SCUBE1: variants seen among roughly 807,000 people sequenced by gnomAD.
SCUBE1 encodes the protein signal peptide, CUB domain and EGF like domain containing 1, also known as signal peptide, CUB and EGF-like domain-containing protein 1.
SCUBE1 carries 59 observed loss-of-function variants against 124.4 expected under a neutral mutation model. That is an observed-to-expected ratio of 0.47 (90% confidence interval 0.38 to 0.59). The LOEUF (loss-of-function observed/expected upper bound fraction) is 0.59, where lower values mean the gene tolerates loss of function less well. Among genes scored for constraint, SCUBE1 ranks in the 20% least tolerant of loss-of-function variants. The pLI is 0.00. For missense variants in SCUBE1, 1,150 were observed against 1,371.2 expected, an observed-to-expected ratio of 0.84 and a Z score of 2.55; for synonymous variants, 545 against 550.9, an observed-to-expected ratio of 0.99 and a Z score of 0.15.
At chr22:43,238,763 C>T (rs531769863) in intron 7 of SCUBE1, 75 bp downstream of exon 7, 43 of 1,224,114 alleles carry the variant, frequency 3.5e-5, no homozygotes, top group South Asian at 2.6e-4. Context: ...GCCCTGGGCC[C>T]GGCTATGCAA....
chr22:43,287,262 G>A (rs1925183232), intron 4 of SCUBE1, among the ~76,000 whole-genome samples: 1 of 152,256 alleles, frequency 6.6e-6, no homozygotes, highest in African/African-American at 2.4e-5. Flanking sequence ...CCCAAATCAA[G>A]CCTGTGTTCT....
In SCUBE1 at chr22:43,204,078, C is replaced by T; in HGVS notation, c.2886G>A (p.Gln962=). The change falls in exon 22 of 22, where the codon CAG becomes CAA. Residue 962 remains glutamine, a synonymous_variant. Coordinates refer to ENST00000360835, the MANE Select transcript of SCUBE1 (RefSeq NM_173050.5). ...HPQNYFKYTA[Q]ESKEMFPRSF... is the part of the protein sequence containing the mutation. ...ACCGTGGGAACATCTCCTTGGATTCCTGGGCTGTGTACTTGAAGTAGTTCT... is the reference window on the plus strand; with the variant it reads ...ACCGTGGGAACATCTCCTTGGATTCTTGGGCTGTGTACTTGAAGTAGTTCT... 1 of 1,614,102 alleles carries T rather than the reference C, an allele frequency of 6.2e-7. No homozygotes were observed. The highest frequency in any genetic ancestry group is 8.5e-7 in the Non-Finnish European group (1 of 1,180,006).
chr22:43,312,059 G>C (rs182896397), intron 3 of SCUBE1, among the ~76,000 whole-genome samples: 1 of 152,188 alleles, frequency 6.6e-6, no homozygotes, highest in Non-Finnish European at 1.5e-5. Context: ...GAGGGAGCAG[G>C]CATTGCCCGT....
At chr22:43,214,345 C>A in intron 15 of SCUBE1, 94 bp from the exon 16 acceptor site, 1 of 1,312,182 alleles carries the variant, frequency 7.6e-7, no homozygotes, top group South Asian at 1.4e-5. Context: ...CTGATAGACA[C>A]AGTCCTTGTC....
chr22:43,311,568 C>T lies in SCUBE1; in HGVS notation c.349+8369G>A, dbSNP rs2146775100. Among the ~76,000 whole-genome samples, 3 of 151,782 alleles carry T rather than the reference C, an allele frequency of 2.0e-5. No homozygotes were observed. In the Middle Eastern group the frequency reaches 0.01, roughly 516 times the overall value. On this transcript the variant is annotated intron_variant, in intron 3 of 21. Transcript: ENST00000360835. Reference sequence around the variant, plus strand: ...CCCAAGTGGTTGGGACTAGAGGCGCCTGCCACCAAATCTGGCTATTTTTTT... The same window carrying T: ...CCCAAGTGGTTGGGACTAGAGGCGCTTGCCACCAAATCTGGCTATTTTTTT...
Position 43,220,531 on chromosome 22 carries a change from G to C in SCUBE1, c.1606C>G (p.Arg536Gly). The C allele has an allele frequency of 6.2e-7, 1 of 1,614,118 alleles. No individual in the cohort carries two copies. The highest frequency in any genetic ancestry group is 8.5e-7 in the Non-Finnish European group (1 of 1,180,010). Reference sequence around the variant, plus strand: ...TCCTTGGATGGGGACTTGCGGCCACGGCGCCTCTTCTTGGAGGAGTCACAC... The same window carrying C: ...TCCTTGGATGGGGACTTGCGGCCACCGCGCCTCTTCTTGGAGGAGTCACAC... ...LKCDSSKKRR[R>G]GRKSPSKEVS... The change falls in exon 14 of 22, where the codon CGT (arginine) becomes GGT (glycine). Residue 536 changes from arginine (R) to glycine (G), a missense_variant. Around this residue, in one of 3 missense-constraint regions of SCUBE1, gnomAD observed 757 missense variants for 840.9 expected, o/e 0.90. Coordinates refer to ENST00000360835, the MANE Select transcript of SCUBE1 (RefSeq NM_173050.5).
intron 10 of SCUBE1, among the ~76,000 whole-genome samples, chr22:43,226,507 C>T (rs1455083249): frequency 6.6e-6 from 1 of 151,948 alleles, no homozygotes; most frequent in Non-Finnish European, 1.5e-5. Flanking sequence ...GTGAGGCTGG[C>T]GTGAAGCGAG....
chr22:43,248,969 AG>A (rs371523599), intron 6 of SCUBE1, among the ~76,000 whole-genome samples: 2 of 152,082 alleles, frequency 1.3e-5, no homozygotes, highest in African/African-American at 4.8e-5. Flanking sequence ...CTGTGCCCTG[AG>A]GGGGGGCACC....
At chr22:43,236,110 C>T (rs1922751858) in intron 7 of SCUBE1, among the ~76,000 whole-genome samples, 1 of 152,216 alleles carries the variant, frequency 6.6e-6, no homozygotes, top group African/African-American at 2.4e-5. Flanking sequence ...CCTTTGAACT[C>T]TCTCCTTTGA....
At chr22:43,298,563 C>G (rs948586478) in intron 3 of SCUBE1, among the ~76,000 whole-genome samples, 1 of 152,208 alleles carries the variant, frequency 6.6e-6, no homozygotes, top group Non-Finnish European at 1.5e-5. Context: ...CTCTGCTCTC[C>G]GCAACCTGAG....
intron 6 of SCUBE1, among the ~76,000 whole-genome samples, chr22:43,250,577 G>C (rs1293150111): frequency 6.6e-6 from 1 of 152,240 alleles, no homozygotes; most frequent in Non-Finnish European, 1.5e-5. Context: ...CAGGCAGCCA[G>C]GCAGGAGCAG....
chr22:43,292,566 C>CACAT (rs1284896161), intron 3 of SCUBE1, among the ~76,000 whole-genome samples: 1 of 151,092 alleles, frequency 6.6e-6, no homozygotes, highest in African/African-American at 2.4e-5. Context: ...AACACACACA[C>CACAT]ACACACACAC....
intron 4 of SCUBE1, among the ~76,000 whole-genome samples, chr22:43,285,508 GAGCTTGCCGCC>G (rs1471994453): frequency 6.6e-6 from 1 of 152,198 alleles, no homozygotes; most frequent in Non-Finnish European, 1.5e-5. Flanking sequence ...CCACTTTCTG[GAGCTTGCCGCC>G]AGCAACAATA....
chr22:43,307,213 A>C (rs1201462648), intron 3 of SCUBE1, among the ~76,000 whole-genome samples: 1 of 152,180 alleles, frequency 6.6e-6, no homozygotes, highest in Non-Finnish European at 1.5e-5. Flanking sequence ...GCCATGTCAG[A>C]GGGAAGCCTA....
intron 4 of SCUBE1, among the ~76,000 whole-genome samples, chr22:43,289,089 G>A (rs780307046): frequency 1.2e-4 from 19 of 152,220 alleles, no homozygotes; most frequent in African/African-American, 4.3e-4. Context: ...GGAGAAAGCC[G>A]GGCTTCAAAG....
At chr22:43,231,604 T>C (rs1196584341) in intron 8 of SCUBE1, 149 bp downstream of exon 8, 2 of 882,928 alleles carry the variant, frequency 2.3e-6, no homozygotes, top group Non-Finnish European at 3.4e-6. Flanking sequence ...TTGGACTGGA[T>C]GTCCCCTAGA....
intron 1 of SCUBE1, among the ~76,000 whole-genome samples, chr22:43,340,018 A>G (rs1342248631): frequency 8.1e-6 from 1 of 122,910 alleles, no homozygotes; most frequent in Non-Finnish European, 1.6e-5. Context: ...TCTAGAATTT[A>G]GAGCCAGAAG....
At position 43,238,819 on chromosome 22, in the gene SCUBE1, C is replaced by G; in HGVS notation, c.844+19G>C. ...AGGCCAGTACAGGCAGGGGCACCCACACAGCTCCACATGCTGACCTTTGCA... is the reference window on the plus strand; with the variant it reads ...AGGCCAGTACAGGCAGGGGCACCCAGACAGCTCCACATGCTGACCTTTGCA... On this transcript the variant is annotated intron_variant, in intron 7 of 21. Coordinates refer to ENST00000360835, the MANE Select transcript of SCUBE1 (RefSeq NM_173050.5). 4 of 1,601,500 alleles carry G rather than the reference C, an allele frequency of 2.5e-6. No individual in the cohort carries two copies. The highest frequency in any genetic ancestry group is 3.4e-6 in the Non-Finnish European group (4 of 1,169,474).
intron 3 of SCUBE1, among the ~76,000 whole-genome samples, chr22:43,315,394 G>GATTTATT (rs1926309526): frequency 6.6e-6 from 1 of 152,162 alleles, no homozygotes; most frequent in Non-Finnish European, 1.5e-5. Flanking sequence ...AAGCCCAGCT[G>GATTTATT]ACTCTTACAG....
Sources: allele counts gnomAD v4.1 joint callset (sites outside exome capture counted in the v4.1 genomes callset), GRCh38; gene constraint gnomAD v4.1.1; regional missense constraint gnomAD v4.1.1; transcripts MANE v1.5; gene names NCBI Gene and HGNC (gene_info 2026-07-23, HGNC 2026-07-21).